PDZRN3: variants seen among roughly 807,000 people sequenced by gnomAD.
PDZRN3 encodes E3 ubiquitin-protein ligase PDZRN3.
PDZRN3 carries 38 observed loss-of-function variants against 85.7 expected under a neutral mutation model. The ratio of observed to expected loss-of-function variants is 0.44; its 90% confidence interval spans 0.34 to 0.58. PDZRN3 has a LOEUF of 0.58. Among genes scored for constraint, PDZRN3 ranks in the 20% least tolerant of loss-of-function variants. PDZRN3 has a pLI of 0.01. For missense variants in PDZRN3, 1,629 were observed against 1,506.4 expected, an observed-to-expected ratio of 1.08 and a Z score of -1.35; for synonymous variants, 759 against 638.0, an observed-to-expected ratio of 1.19 and a Z score of -2.86.
At chr3:73,604,986 C>T (rs1333626987) in intron 2 of PDZRN3, among the ~76,000 whole-genome samples, 4 of 152,104 alleles carry the variant, frequency 2.6e-5, no homozygotes, top group African/African-American at 7.2e-5. Flanking sequence ...TTTGGGAGGC[C>T]GAGGCTGGTG....
At chr3:73,414,607 A>C (rs2106756566) in intron 3 of PDZRN3, among the ~76,000 whole-genome samples, 1 of 152,374 alleles carries the variant, frequency 6.6e-6, no homozygotes, top group East Asian at 1.9e-4. Flanking sequence ...AATGCTGTTG[A>C]TATTAAACCA....
chr3:73,423,260 G>A (rs1452626519), intron 3 of PDZRN3, among the ~76,000 whole-genome samples: 1 of 152,152 alleles, frequency 6.6e-6, no homozygotes, highest in Non-Finnish European at 1.5e-5. Context: ...ATTCTTTAGA[G>A]TTTTACTTTA....
intron 3 of PDZRN3, among the ~76,000 whole-genome samples, chr3:73,600,337 A>ACACACACACACTCTCTCTCTCT (rs34405662): frequency 4.1e-4 from 41 of 100,068 alleles, no homozygotes; most frequent in South Asian, 1.2e-3. Context: ...ACACACACAC[A>ACACACACACACTCTCTCTCTCT]CTCTCTCTCT....
At chr3:73,581,779 G>T (rs1702205043) in intron 3 of PDZRN3, among the ~76,000 whole-genome samples, 1 of 150,642 alleles carries the variant, frequency 6.6e-6, no homozygotes, top group Non-Finnish European at 1.5e-5. Flanking sequence ...GCACAGGAGG[G>T]TTGCTTCTGT....
At chr3:73,413,454 C>T (rs1702012843) in intron 3 of PDZRN3, among the ~76,000 whole-genome samples, 1 of 152,304 alleles carries the variant, frequency 6.6e-6, no homozygotes, top group Middle Eastern at 3.4e-3. Flanking sequence ...AAATGCTTCA[C>T]ACACATGATT....
intron 3 of PDZRN3, among the ~76,000 whole-genome samples, chr3:73,483,862 G>T (rs1703614116): frequency 6.6e-6 from 1 of 152,158 alleles, no homozygotes; most frequent in African/African-American, 2.4e-5. Context: ...GGCTGTGAAG[G>T]GCCTTGGAGG....
At chr3:73,474,758 G>T in intron 3 of PDZRN3, 1 of 358,918 alleles carries the variant, frequency 2.8e-6, no homozygotes, top group Admixed American at 4.2e-5. Context: ...GTGAAGGGGG[G>T]AAAATGGGCC....
chr3:73,595,220 A>G (rs1702415387), intron 3 of PDZRN3, among the ~76,000 whole-genome samples: 1 of 152,238 alleles, frequency 6.6e-6, no homozygotes, highest in African/African-American at 2.4e-5. Flanking sequence ...TGCAGCTAAC[A>G]AAGAATCTTC....
At chr3:73,542,777 AAAAAT>A (rs1181640742) in intron 3 of PDZRN3, among the ~76,000 whole-genome samples, 42 of 152,242 alleles carry the variant, frequency 2.8e-4, no homozygotes, top group South Asian at 6.2e-4. Context: ...TCCATCTCAA[AAAAAT>A]AAAATAAAAT....
chr3:73,598,287 T>TG (rs1702460254), intron 3 of PDZRN3, among the ~76,000 whole-genome samples: 1 of 152,214 alleles, frequency 6.6e-6, no homozygotes, highest in African/African-American at 2.4e-5. Context: ...CTTTAAAATA[T>TG]AGTTCAGACA....
intron 5 of PDZRN3, among the ~76,000 whole-genome samples, chr3:73,399,821 C>T (rs1449294790): frequency 1.3e-5 from 2 of 152,212 alleles, no homozygotes; most frequent in East Asian, 3.8e-4. Context: ...CAGAGTCAGT[C>T]ATGCCACTGG....
At chr3:73,600,158 G>A (rs1466431351) in intron 3 of PDZRN3, among the ~76,000 whole-genome samples, 1 of 152,134 alleles carries the variant, frequency 6.6e-6, no homozygotes, top group Admixed American at 6.5e-5. Context: ...GCAAAGAAAA[G>A]ACTCAATTAG....
At chr3:73,623,845 T>C (rs1310259945) in intron 1 of PDZRN3, 4 of 375,946 alleles carry the variant, frequency 1.1e-5, no homozygotes, top group Non-Finnish European at 1.9e-5. Context: ...TGAATTCTTT[T>C]TCGTCCTTCC....
intron 3 of PDZRN3, among the ~76,000 whole-genome samples, chr3:73,449,228 T>A (rs1027678008): frequency 1.3e-5 from 2 of 152,162 alleles, no homozygotes; most frequent in African/African-American, 4.8e-5. Context: ...TGCCATGTCA[T>A]CTTCTAATTA....
Position 73,438,200 on chromosome 3 carries a change from GACAA to G in PDZRN3, c.919-33809_919-33806del, listed in dbSNP as rs1212139385. Among the ~76,000 whole-genome samples the G allele has an allele frequency of 4.6e-5, 7 of 152,290 alleles. No individual in the cohort carries two copies. The South Asian group carries it at 1.5e-3, about 32-fold the overall frequency. On this transcript the variant is annotated intron_variant, in intron 3 of 9. Coordinates refer to ENST00000263666, the MANE Select transcript of PDZRN3 (RefSeq NM_015009.3). ...GGGGTCACCAAGGAACACACAATGAGACAAACAGATAGACAAGGCATATACACAA... is the reference window on the plus strand; with the variant it reads ...GGGGTCACCAAGGAACACACAATGAGACAGATAGACAAGGCATATACACAA...
intron 1 of PDZRN3, among the ~76,000 whole-genome samples, chr3:73,616,265 T>C (rs531156263): frequency 8.5e-5 from 13 of 152,316 alleles, no homozygotes; most frequent in East Asian, 1.9e-4. Flanking sequence ...ACAAACCTCT[T>C]TCTTTACAAA....
At position 73,525,730 on chromosome 3, in the gene PDZRN3, C is replaced by T. The variant is rs183102485; in HGVS notation, c.918+76624G>A. Among the ~76,000 whole-genome samples, 34 of 152,308 alleles carry T rather than the reference C, an allele frequency of 2.2e-4. No individual in the cohort carries two copies. In the South Asian group the frequency reaches 6.6e-3, roughly 30 times the overall value. On this transcript the variant is annotated intron_variant, in intron 3 of 9. Transcript: ENST00000263666. ...ACACATGGTGGTCCCCCTGCCAAGG[C>T]GAGGCATGCTGCTCCCTACTTGTTG...
In PDZRN3 at chr3:73,425,259, C is replaced by A. The variant is rs372742645; in HGVS notation, c.919-20864G>T. Among the ~76,000 whole-genome samples, 205 of 152,090 alleles carry A rather than the reference C, an allele frequency of 1.3e-3. 3 individuals are homozygous for A. The South Asian group carries it at 0.023, about 17-fold the overall frequency. ...GGTCTTGATCTCCTGACCTAGTGAT[C>A]CACCCGCCTCAGCCTCCCAAAGTGC... On this transcript the variant is annotated intron_variant, in intron 3 of 9. Coordinates refer to ENST00000263666, the MANE Select transcript of PDZRN3 (RefSeq NM_015009.3).
intron 1 of PDZRN3, among the ~76,000 whole-genome samples, chr3:73,622,389 G>A (rs941429813): frequency 6.6e-6 from 1 of 152,152 alleles, no homozygotes; most frequent in Non-Finnish European, 1.5e-5. Flanking sequence ...GGGGAGCCTC[G>A]GGCAAATATT....
Sources: gnomAD v4.1 joint callset for allele counts (sites outside exome capture counted in the v4.1 genomes callset) on GRCh38, gnomAD v4.1.1 for gene constraint, MANE v1.5 for transcripts, NCBI Gene and HGNC (gene_info 2026-07-23, HGNC 2026-07-21) for gene names.